Variants in NAALADL2 observed in about 807,000 individuals in gnomAD.
NAALADL2 encodes inactive N-acetylated-alpha-linked acidic dipeptidase-like protein 2.
Under a neutral mutation model 87.2 loss-of-function variants are expected in NAALADL2, and 76 were observed. The ratio of observed to expected loss-of-function variants is 0.87; its 90% CI spans 0.72 to 1.05. The LOEUF (loss-of-function observed/expected upper bound fraction) is 1.05, where lower values mean the gene tolerates loss of function less well. Ranked by LOEUF, NAALADL2 falls within the 50% of genes least tolerant of loss-of-function variation. The pLI is 0.00. For synonymous variants in NAALADL2, 354 were observed against 331.0 expected, an observed-to-expected ratio of 1.07 and a Z score of -0.75; for missense variants, 1,089 against 945.8, an observed-to-expected ratio of 1.15 and a Z score of -1.99.
Position 174,699,076 on chromosome 3 carries a change from T to G in NAALADL2, c.-114-38565T>G, listed in dbSNP as rs142000038. Among the ~76,000 whole-genome samples the G allele has an allele frequency of 2.2e-3, 342 of 152,272 alleles. 4 individuals are homozygous for G. Among genetic ancestry groups the G allele is most frequent in the African/African-American group, 7.9e-3 (327 of 41,558 alleles). On this transcript the variant is annotated intron_variant, in intron 2 of 3. Coordinates refer to the NAALADL2 transcript ENST00000434257. ...TCTCCTGTGATTCCATGTAGATGAA[T>G]AATGGACCTTTACATTCGATCCTGC...
At chr3:174,903,577 T>C (rs953989702) in intron 1 of NAALADL2, among the ~76,000 whole-genome samples, 2 of 151,476 alleles carry the variant, frequency 1.3e-5, no homozygotes, top group African/African-American at 4.9e-5. Context: ...CTTTTAGTAG[T>C]AGTATTTGTA....
intron 5 of NAALADL2, among the ~76,000 whole-genome samples, chr3:175,415,402 G>C (rs975548106): frequency 1.3e-5 from 2 of 152,126 alleles, no homozygotes; most frequent in Non-Finnish European, 1.5e-5. Flanking sequence ...AAGCTGCATG[G>C]TACTCTTGCT....
chr3:174,662,348 T>A (rs1725582099), intron 2 of NAALADL2, among the ~76,000 whole-genome samples: 1 of 152,146 alleles, frequency 6.6e-6, no homozygotes, highest in Non-Finnish European at 1.5e-5. Context: ...ATTAAGGATA[T>A]TAAAATTAGA....
At chr3:175,110,552 G>A (rs1724023096) in intron 2 of NAALADL2, among the ~76,000 whole-genome samples, 1 of 151,774 alleles carries the variant, frequency 6.6e-6, no homozygotes, top group African/African-American at 2.4e-5. Context: ...CAGAGGATTT[G>A]ATAACACTCA....
chr3:175,515,942 A>G (rs1259495887), intron 9 of NAALADL2, among the ~76,000 whole-genome samples: 1 of 152,216 alleles, frequency 6.6e-6, no homozygotes, highest in Non-Finnish European at 1.5e-5. Flanking sequence ...GCTCTAATGA[A>G]CATCTTTCAC....
At chr3:175,567,055 A>G (rs980377978) in intron 9 of NAALADL2, among the ~76,000 whole-genome samples, 1 of 152,176 alleles carries the variant, frequency 6.6e-6, no homozygotes, top group Non-Finnish European at 1.5e-5. Context: ...TCTGGAACTT[A>G]CTGTGGTTTA....
intron 1 of NAALADL2, among the ~76,000 whole-genome samples, chr3:174,514,663 A>G (rs2108397947): frequency 6.6e-6 from 1 of 152,004 alleles, no homozygotes; most frequent in South Asian, 2.1e-4. Flanking sequence ...ATAGGAGTAT[A>G]TTTGCTTTTA....
At chr3:175,487,758 A>T (rs952498150) in intron 9 of NAALADL2, 1 of 272,270 alleles carries the variant, frequency 3.7e-6, no homozygotes, top group African/African-American at 2.2e-5. Flanking sequence ...GATACATTGT[A>T]GTAGAAAAAT....
chr3:175,423,060 T>C (rs1716060446), intron 5 of NAALADL2, among the ~76,000 whole-genome samples: 1 of 130,992 alleles, frequency 7.6e-6, no homozygotes, highest in Admixed American at 7.8e-5. Flanking sequence ...TATTTTTTTT[T>C]TTTCCTGAGT....
At chr3:175,304,595 G>T (rs966922111) in intron 4 of NAALADL2, among the ~76,000 whole-genome samples, 2 of 152,092 alleles carry the variant, frequency 1.3e-5, no homozygotes, top group Non-Finnish European at 2.9e-5. Context: ...CCATGAAGCC[G>T]GTGCTCATTT....
intron 11 of NAALADL2, among the ~76,000 whole-genome samples, chr3:175,634,394 A>G (rs915403714): frequency 6.6e-6 from 1 of 151,994 alleles, no homozygotes; most frequent in Non-Finnish European, 1.5e-5. Flanking sequence ...GAGCATGGTA[A>G]CTGAAAACTT....
At chr3:175,784,446 C>T (rs879538001) in intron 13 of NAALADL2, among the ~76,000 whole-genome samples, 3,247 of 141,990 alleles carry the variant, frequency 0.023, 52 homozygotes, top group African/African-American at 0.038. Flanking sequence ...GTGTATGTGT[C>T]GAGGAATTTA....
intron 9 of NAALADL2, among the ~76,000 whole-genome samples, chr3:175,534,742 A>T (rs1280773031): frequency 6.6e-6 from 1 of 151,600 alleles, no homozygotes; most frequent in Non-Finnish European, 1.5e-5. Flanking sequence ...GTAGTTTAGG[A>T]CTATGCTCCT....
At chr3:175,747,786 CT>C (rs1387053998) in intron 12 of NAALADL2, among the ~76,000 whole-genome samples, 3 of 152,050 alleles carry the variant, frequency 2.0e-5, no homozygotes, top group Admixed American at 6.5e-5. Context: ...AATGTTTTTG[CT>C]CATATTTCCC....
At chr3:174,595,411 G>A (rs550117103) in intron 2 of NAALADL2, among the ~76,000 whole-genome samples, 2 of 152,238 alleles carry the variant, frequency 1.3e-5, no homozygotes, top group African/African-American at 4.8e-5. Context: ...TCAGATATCA[G>A]AAATGCATAA....
intron 11 of NAALADL2, among the ~76,000 whole-genome samples, chr3:175,715,018 A>G (rs1320544184): frequency 6.6e-6 from 1 of 152,196 alleles, no homozygotes; most frequent in Non-Finnish European, 1.5e-5. Context: ...ATCTATTCTC[A>G]TTTAAAATAA....
intron 4 of NAALADL2, among the ~76,000 whole-genome samples, chr3:175,286,744 G>GA (rs146578131): frequency 0.025 from 3,826 of 152,050 alleles, 157 homozygotes; most frequent in African/African-American, 0.082. Flanking sequence ...TATACTTTTA[G>GA]AAACATTTGA....
chr3:174,681,018 G>A (rs944867652), intron 2 of NAALADL2, among the ~76,000 whole-genome samples: 2 of 152,154 alleles, frequency 1.3e-5, no homozygotes, highest in East Asian at 3.9e-4. Context: ...GAGAGAATCT[G>A]TGTGCTTGGA....
At chr3:174,961,808 A>G (rs770763394) in intron 1 of NAALADL2, among the ~76,000 whole-genome samples, 1 of 152,078 alleles carries the variant, frequency 6.6e-6, no homozygotes, top group Non-Finnish European at 1.5e-5. Context: ...TTAAACTTAT[A>G]TAACATTTGT....
Sources: allele counts gnomAD v4.1 joint callset (sites outside exome capture counted in the v4.1 genomes callset), GRCh38; gene constraint gnomAD v4.1.1; transcripts MANE v1.5; gene names NCBI Gene and HGNC (gene_info 2026-07-23, HGNC 2026-07-21).